The following DAAM1 variants were observed in gnomAD, a reference collection of about 807,000 sequenced individuals.
DAAM1 encodes the protein dishevelled associated activator of morphogenesis 1.
DAAM1 carries 52 observed loss-of-function variants against 130.0 expected under a neutral mutation model. The ratio of observed to expected loss-of-function variants is 0.40; its 90% CI spans 0.32 to 0.50. The LOEUF (loss-of-function observed/expected upper bound fraction) is 0.50, where lower values mean the gene tolerates loss of function less well. Ranked by LOEUF, DAAM1 falls within the 20% of genes least tolerant of loss-of-function variation. The pLI is 0.61. For synonymous variants in DAAM1, 452 were observed against 444.5 expected (o/e 1.02, Z -0.21); for missense variants, 1,134 against 1,303.8 (o/e 0.87, Z 2.01).
intron 3 of DAAM1, among the ~76,000 whole-genome samples, chr14:59,314,088 T>A (rs112624569): frequency 3.3e-5 from 5 of 152,312 alleles, no homozygotes; most frequent in African/African-American, 1.2e-4. Flanking sequence ...AAAGATTTGC[T>A]TACAGAAAGT....
intron 14 of DAAM1, 132 bp from the exon 15 acceptor site, chr14:59,331,681 T>A: frequency 6.7e-7 from 1 of 1,498,222 alleles, no homozygotes; most frequent in Non-Finnish European, 8.9e-7. Context: ...AAATGACACA[T>A]TGTTTGAAAC....
chr14:59,198,842 G>C (rs1474746159), intron 1 of DAAM1, among the ~76,000 whole-genome samples: 1 of 152,214 alleles, frequency 6.6e-6, no homozygotes, highest in Non-Finnish European at 1.5e-5. Flanking sequence ...TTTAGGTTCA[G>C]TTTGGGTAAT....
At chr14:59,256,723 A>G (rs574893781) in intron 1 of DAAM1, among the ~76,000 whole-genome samples, 1 of 152,316 alleles carries the variant, frequency 6.6e-6, no homozygotes, top group Non-Finnish European at 1.5e-5. Flanking sequence ...TTCAGAAGCT[A>G]TGCATTCCTT....
intron 18 of DAAM1, among the ~76,000 whole-genome samples, chr14:59,352,997 A>G (rs1886345724): frequency 6.6e-6 from 1 of 151,958 alleles, no homozygotes; most frequent in Non-Finnish European, 1.5e-5. Flanking sequence ...AAAACAAAAA[A>G]AAAAAAAAGA....
chr14:59,207,481 A>G (rs1255126151), intron 1 of DAAM1, among the ~76,000 whole-genome samples: 1 of 152,244 alleles, frequency 6.6e-6, no homozygotes, highest in Non-Finnish European at 1.5e-5. Flanking sequence ...ATCATGTTAG[A>G]AATTAGAATT....
intron 4 of DAAM1, among the ~76,000 whole-genome samples, chr14:59,318,171 A>G (rs1466312706): frequency 1.3e-5 from 2 of 151,758 alleles, no homozygotes; most frequent in Non-Finnish European, 2.9e-5. Flanking sequence ...GGCTTTCTTT[A>G]TATGTGGTTT....
intron 23 of DAAM1, among the ~76,000 whole-genome samples, chr14:59,366,449 A>C (rs1027031040): frequency 1.3e-5 from 2 of 152,160 alleles, no homozygotes; most frequent in Non-Finnish European, 2.9e-5. Context: ...TTCTATATTG[A>C]CCATATGGCA....
intron 13 of DAAM1, among the ~76,000 whole-genome samples, chr14:59,330,979 G>C (rs1393992958): frequency 2.6e-5 from 4 of 152,148 alleles, no homozygotes; most frequent in Non-Finnish European, 5.9e-5. Context: ...AGAAGTGAGA[G>C]AGATATGAAT....
rs1445703188 is a variant in DAAM1 at position 59,222,191 on chromosome 14, C to T, written c.-38+33423C>T. ...GTAAGACTATTGAATTCCGTGAGTT[C>T]GGGCCCCTTTCCTCATTTTGTGGTC... On this transcript the variant is annotated intron_variant, in intron 1 of 24. Coordinates refer to ENST00000360909, the MANE Select transcript of DAAM1 (RefSeq NM_001270520.2). 3.3e-5 allele frequency among the ~76,000 whole-genome samples: 5 copies of T among 152,240 alleles called. No individual in the cohort carries two copies. The South Asian group carries it at 6.2e-4, about 19-fold the overall frequency.
chr14:59,341,036 G>C (rs1373576863), intron 16 of DAAM1, among the ~76,000 whole-genome samples: 1 of 152,190 alleles, frequency 6.6e-6, no homozygotes, highest in Non-Finnish European at 1.5e-5. Context: ...GAAAGTAGTA[G>C]TCCTTATTAT....
chr14:59,301,662 C>T (rs538008134), intron 3 of DAAM1, among the ~76,000 whole-genome samples: 28 of 152,270 alleles, frequency 1.8e-4, no homozygotes, highest in Admixed American at 3.3e-4. Flanking sequence ...CTGGGGCTCA[C>T]GCAATCAGCC....
Position 59,368,821 on chromosome 14 carries a change from A to C in DAAM1, c.3169A>C (p.Ser1057Arg). Reference sequence around the variant, plus strand: ...ACGTATTACCAACCAGATGACTGACAGCAGCAGAGAGAGACCAATCACAAA... The same window carrying C: ...ACGTATTACCAACCAGATGACTGACCGCAGCAGAGAGAGACCAATCACAAA... ...RKRITNQMTD[S>R]SRERPITKLN... Residue 1057 changes from serine (S) to arginine (R), a missense_variant, in exon 25 of 25, where the codon AGC becomes CGC. Around this residue, in one of 3 missense-constraint regions of DAAM1, gnomAD observed 644 missense variants for 695.9 expected, o/e 0.93. Transcript: ENST00000360909. The C allele has an allele frequency of 6.2e-7, 1 of 1,613,792 alleles. No homozygotes were observed. The highest frequency in any genetic ancestry group is 8.5e-7 in the Non-Finnish European group (1 of 1,179,868).
intron 2 of DAAM1, among the ~76,000 whole-genome samples, chr14:59,267,355 A>G (rs866294788): frequency 2.4e-4 from 36 of 152,184 alleles, no homozygotes; most frequent in African/African-American, 8.4e-4. Flanking sequence ...GAGGTCAGCC[A>G]TGTGAATCTT....
At chr14:59,229,671 C>G (rs1889044595) in intron 1 of DAAM1, among the ~76,000 whole-genome samples, 1 of 152,084 alleles carries the variant, frequency 6.6e-6, no homozygotes, top group South Asian at 2.1e-4. Flanking sequence ...GTTCTAAGTT[C>G]CAAAAACATG....
In DAAM1 at chr14:59,323,189, C is replaced by T; in HGVS notation, c.738C>T (p.His246=). The change falls in exon 6 of 25, where the codon CAC becomes CAT. Residue 246 remains histidine (H), a synonymous_variant. Coordinates refer to ENST00000360909, the MANE Select transcript of DAAM1 (RefSeq NM_001270520.2). ...AGAAGGTTCTGCAGGCCATGCTGCA[C>T]TACCAGAAGTATGCCAGCGAAAGGA... ...GHKKVLQAML[H]YQKYASERTR... 1 of 1,612,814 alleles carries T rather than the reference C, an allele frequency of 6.2e-7. No individual in the cohort carries two copies.
At chr14:59,249,462 TC>T (rs1388836552) in intron 1 of DAAM1, among the ~76,000 whole-genome samples, 1 of 152,234 alleles carries the variant, frequency 6.6e-6, no homozygotes, top group Non-Finnish European at 1.5e-5. Context: ...ATCATTGACT[TC>T]CTTTTCAGCT....
chr14:59,190,198 C>G (rs1237215151), intron 1 of DAAM1, among the ~76,000 whole-genome samples: 2 of 152,128 alleles, frequency 1.3e-5, no homozygotes, highest in Non-Finnish European at 2.9e-5. Flanking sequence ...GGACTCTCCC[C>G]TTTCTCTCCT....
In DAAM1 at chr14:59,359,523, TGTTA is replaced by T. The variant is rs768028256; in HGVS notation, c.2633+23_2633+26del. 3.8e-6 allele frequency: 6 copies of T among 1,581,838 alleles called. No individual in the cohort carries two copies. Among genetic ancestry groups the T allele is most frequent in the African/African-American group, 1.3e-5 (1 of 74,154 alleles). On this transcript the variant is annotated intron_variant, in intron 21 of 24. Coordinates refer to ENST00000360909, the MANE Select transcript of DAAM1 (RefSeq NM_001270520.2). The stretch of plus-strand genomic sequence containing the variant: ...AAGTAAAGTAAGTACTTACAGTGAG[TGTTA>T]GTTTCTTAAATCACTTGGATTGTGT...
chr14:59,255,648 T>G (rs965859013), intron 1 of DAAM1, among the ~76,000 whole-genome samples: 3 of 152,178 alleles, frequency 2.0e-5, no homozygotes, highest in Non-Finnish European at 4.4e-5. Flanking sequence ...GCAACTAAAG[T>G]GGAGGGTCCC....
Sources: gnomAD v4.1 joint callset for allele counts (sites outside exome capture counted in the v4.1 genomes callset) on GRCh38, gnomAD v4.1.1 for gene constraint, gnomAD v4.1.1 regional missense constraint, MANE v1.5 for transcripts, NCBI Gene and HGNC (gene_info 2026-07-23, HGNC 2026-07-21) for gene names.